The following KCNB2 variants were observed in gnomAD, a reference collection of about 807,000 sequenced individuals.
KCNB2 encodes potassium voltage-gated channel subfamily B member 2, also known as delayed rectifier potassium channel protein.
In KCNB2, 15 loss-of-function variants were observed where a neutral mutation model predicts 61.5. The observed-to-expected ratio is 0.24, with a 90% confidence interval of 0.16 to 0.38. The LOEUF is 0.38. Ranked by LOEUF, KCNB2 falls within the 10% of genes least tolerant of loss-of-function variation. The pLI is 1.00. For missense variants in KCNB2, 828 were observed against 1,125.2 expected, an observed-to-expected ratio of 0.74 and a Z score of 3.78; for synonymous variants, 457 against 446.0, an observed-to-expected ratio of 1.02 and a Z score of -0.31.
rs549605459 is a variant in KCNB2, at chr8:72,800,353, C to G, written c.580-135582C>G. The stretch of plus-strand genomic sequence containing the variant: ...AACAAGCTGCAGCTCTGTATTTCAA[C>G]TACAATTCATAAATGTTTACAGCGT... On this transcript the variant is annotated intron_variant, in intron 2 of 2. Transcript: ENST00000523207. Among the ~76,000 whole-genome samples, 85 of 152,292 alleles carry G rather than the reference C, an allele frequency of 5.6e-4. 2 individuals are homozygous for G. Among genetic ancestry groups the G allele is most frequent in the Admixed American group, 2.9e-3 (44 of 15,286 alleles).
chr8:72,884,716 G>A (rs1419791890), intron 2 of KCNB2, among the ~76,000 whole-genome samples: 1 of 151,986 alleles, frequency 6.6e-6, no homozygotes, highest in Non-Finnish European at 1.5e-5. Flanking sequence ...TATCCTATAT[G>A]TATTTTCATG....
intron 2 of KCNB2, among the ~76,000 whole-genome samples, chr8:72,717,165 C>A (rs1177227794): frequency 3.9e-5 from 6 of 151,992 alleles, no homozygotes; most frequent in Non-Finnish European, 7.4e-5. Context: ...ACAAAAGAGG[C>A]TACAAACAAA....
At chr8:72,804,786 G>C (rs771323838) in intron 2 of KCNB2, among the ~76,000 whole-genome samples, 2 of 152,190 alleles carry the variant, frequency 1.3e-5, no homozygotes, top group African/African-American at 4.8e-5. Flanking sequence ...TATGCTAACT[G>C]TTGGCACTAC....
At chr8:72,540,714 C>T (rs16938234) in intron 1 of KCNB2, among the ~76,000 whole-genome samples, 8,017 of 152,156 alleles carry the variant, frequency 0.053, 356 homozygotes, top group African/African-American at 0.12. Context: ...CTCTTTACTG[C>T]AAGTACGGGT....
chr8:72,728,212 A>C (rs936717868), intron 2 of KCNB2, among the ~76,000 whole-genome samples: 5 of 152,152 alleles, frequency 3.3e-5, no homozygotes, highest in Non-Finnish European at 7.4e-5. Context: ...TTTTAACTTG[A>C]GAGAATGGAA....
chr8:72,637,470 A>T (rs1046164230), intron 2 of KCNB2, among the ~76,000 whole-genome samples: 20 of 152,138 alleles, frequency 1.3e-4, no homozygotes, highest in African/African-American at 3.4e-4. Flanking sequence ...CTTTTCTATC[A>T]GATGATCTCT....
rs182850409 is a variant in KCNB2, at chr8:72,584,921, C to T, written c.579+16608C>T. Among the ~76,000 whole-genome samples the T allele has an allele frequency of 8.5e-5, 13 of 152,250 alleles. 1 individual carries two copies. The highest frequency in any genetic ancestry group is 3.1e-4 in the African/African-American group (13 of 41,546). On this transcript the variant is annotated intron_variant, in intron 2 of 2. Coordinates refer to ENST00000523207, the MANE Select transcript of KCNB2 (RefSeq NM_004770.3). ...CATCTCTCCCATCTCTCTTGGCTCC[C>T]TAGTCCAGATTATCACAAAGAGGTT... is the stretch of plus-strand genomic sequence containing the variant.
intron 2 of KCNB2, among the ~76,000 whole-genome samples, chr8:72,807,420 T>G (rs1809242774): frequency 6.6e-6 from 1 of 152,220 alleles, no homozygotes; most frequent in Non-Finnish European, 1.5e-5. Flanking sequence ...AAGTTATTAC[T>G]GTGCTTCCTG....
intron 2 of KCNB2, among the ~76,000 whole-genome samples, chr8:72,906,344 T>C (rs1229494413): frequency 6.6e-6 from 1 of 152,244 alleles, no homozygotes; most frequent in East Asian, 1.9e-4. Flanking sequence ...ATCTTATGAT[T>C]CTGGCTAGTA....
intron 2 of KCNB2, among the ~76,000 whole-genome samples, chr8:72,925,856 T>C (rs1806633615): frequency 6.6e-6 from 1 of 152,142 alleles, no homozygotes; most frequent in African/African-American, 2.4e-5. Context: ...TGCCCATCAA[T>C]GGTGATAGAC....
At chr8:72,619,684 T>G (rs1805684697) in intron 2 of KCNB2, among the ~76,000 whole-genome samples, 1 of 152,170 alleles carries the variant, frequency 6.6e-6, no homozygotes, top group Admixed American at 6.5e-5. Flanking sequence ...AATTTTATTT[T>G]ATTATCTTCA....
chr8:72,698,404 GAAGAATTAATATCATTAA>G (rs1421420654), intron 2 of KCNB2, among the ~76,000 whole-genome samples: 10 of 152,080 alleles, frequency 6.6e-5, no homozygotes, highest in Non-Finnish European at 1.3e-4. Context: ...TCATGGGGTA[GAAGAATTAATATCATTAA>G]AATGTCCATA....
In KCNB2 at chr8:72,724,660, A is replaced by G. The variant is rs117533302; in HGVS notation, c.579+156347A>G. Among the ~76,000 whole-genome samples, 1,403 of 152,306 alleles carry G rather than the reference A, an allele frequency of 9.2e-3. 5 individuals are homozygous for G. Among genetic ancestry groups the G allele is most frequent in the Non-Finnish European group, 0.012 (840 of 68,028 alleles). On this transcript the variant is annotated intron_variant, in intron 2 of 2. Coordinates refer to ENST00000523207, the MANE Select transcript of KCNB2 (RefSeq NM_004770.3). ...AACAATAGTATGTCTCGAATACTGC[A>G]TCAACATACTTATACTAAAAAATTA...
chr8:72,600,786 A>T (rs995067518), intron 2 of KCNB2, among the ~76,000 whole-genome samples: 3 of 152,064 alleles, frequency 2.0e-5, no homozygotes, highest in Non-Finnish European at 4.4e-5. Flanking sequence ...AAGCTAAATT[A>T]TGAGAACACA....
chr8:72,727,012 T>G (rs1305591384), intron 2 of KCNB2, among the ~76,000 whole-genome samples: 2 of 152,176 alleles, frequency 1.3e-5, no homozygotes, highest in Non-Finnish European at 2.9e-5. Flanking sequence ...TCTTTCTGCT[T>G]TTTATCTAAT....
At chr8:72,911,028 ATG>A (rs1418983239) in intron 2 of KCNB2, among the ~76,000 whole-genome samples, 1 of 151,944 alleles carries the variant, frequency 6.6e-6, no homozygotes, top group African/African-American at 2.4e-5. Flanking sequence ...TCCAAGTATA[ATG>A]TGTTTATTCT....
chr8:72,553,421 A>AAAATTTT (rs201130699), intron 1 of KCNB2, among the ~76,000 whole-genome samples: 5,104 of 152,274 alleles, frequency 0.034, 126 homozygotes, highest in South Asian at 0.091. Flanking sequence ...ATAATAAAGT[A>AAAATTTT]CAAAGAAAGA....
At chr8:72,692,061 C>T (rs1490507202) in intron 2 of KCNB2, among the ~76,000 whole-genome samples, 1 of 151,644 alleles carries the variant, frequency 6.6e-6, no homozygotes, top group Non-Finnish European at 1.5e-5. Context: ...ACAGTGAAAC[C>T]CTGTCTCTAC....
Position 72,936,204 on chromosome 8 carries a change from G to A in KCNB2, c.849G>A (p.Leu283=). ...TGCCGTACTATGTCACCATTTTTCTGACGGAGTCCAACAAGAGCGTGCTGC... is the reference window on the plus strand; with the variant it reads ...TGCCGTACTATGTCACCATTTTTCTAACGGAGTCCAACAAGAGCGTGCTGC... The part of the protein sequence containing the change: ...AILPYYVTIF[L]TESNKSVLQF... The change falls in exon 3 of 3, where the codon CTG becomes CTA. Residue 283 remains leucine, a synonymous_variant. Transcript: ENST00000523207. This position sits in a 1 kb window ranked among gnomAD's most constrained non-coding sequence, Gnocchi z 5.6. 1.9e-6 allele frequency: 3 copies of A among 1,614,190 alleles called. No individual in the cohort carries two copies. Among genetic ancestry groups the A allele is most frequent in the Non-Finnish European group, 2.5e-6 (3 of 1,180,030 alleles).
Sources: allele counts gnomAD v4.1 joint callset (sites outside exome capture counted in the v4.1 genomes callset), GRCh38; gene constraint gnomAD v4.1.1; non-coding constraint Gnocchi (gnomAD v3.1); transcripts MANE v1.5; gene names NCBI Gene and HGNC (gene_info 2026-07-23, HGNC 2026-07-21).